The following WWOX variants were observed in gnomAD, a reference collection of about 807,000 sequenced individuals.
WWOX encodes the protein WW domain-containing oxidoreductase.
In WWOX, 69 loss-of-function variants were observed where a neutral mutation model predicts 46.2. That is an observed-to-expected ratio of 1.49 (90% confidence interval 1.23 to 1.82). The LOEUF is 1.82. WWOX is among the 40% of genes most tolerant of loss of function. WWOX has a pLI of 0.00. For missense variants in WWOX, 919 were observed against 542.6 expected (o/e 1.69, Z -6.89); for synonymous variants, 359 against 202.6 (o/e 1.77, Z -6.56).
intron 8 of WWOX, among the ~76,000 whole-genome samples, chr16:78,676,052 T>C (rs2047590602): frequency 6.6e-6 from 1 of 152,034 alleles, no homozygotes; most frequent in African/African-American, 2.4e-5. Flanking sequence ...GCTGCTTGTT[T>C]AAGAATCTCA....
chr16:78,145,848 C>A (rs1025052907), intron 4 of WWOX: 1 of 152,176 alleles, frequency 6.6e-6, no homozygotes, highest in Non-Finnish European at 1.5e-5. Flanking sequence ...CATAAAGGCC[C>A]CATCTCCAGA....
intron 8 of WWOX, among the ~76,000 whole-genome samples, chr16:78,514,383 A>G (rs1397708380): frequency 6.6e-6 from 1 of 152,108 alleles, no homozygotes; most frequent in Non-Finnish European, 1.5e-5. Flanking sequence ...GGTCCATGAA[A>G]TTTTTCTCCT....
chr16:78,998,270 C>T (rs989723989), intron 8 of WWOX, among the ~76,000 whole-genome samples: 5 of 152,176 alleles, frequency 3.3e-5, no homozygotes, highest in Non-Finnish European at 7.3e-5. Flanking sequence ...GACTGCACAT[C>T]AGTTCATTCT....
intron 8 of WWOX, among the ~76,000 whole-genome samples, chr16:79,042,310 C>T (rs2047986635): frequency 6.6e-6 from 1 of 152,170 alleles, no homozygotes; most frequent in Non-Finnish European, 1.5e-5. Flanking sequence ...CATGCACCTT[C>T]CCTGACCTTT....
chr16:78,337,465 A>G (rs2080919081), intron 5 of WWOX, among the ~76,000 whole-genome samples: 1 of 152,218 alleles, frequency 6.6e-6, no homozygotes, highest in Admixed American at 6.5e-5. Context: ...GCTACAATTA[A>G]TAAACCAATA....
At chr16:78,196,898 C>T (rs944003228) in intron 5 of WWOX, among the ~76,000 whole-genome samples, 45 of 152,174 alleles carry the variant, frequency 3.0e-4, no homozygotes, top group African/African-American at 7.7e-4. Context: ...CTGACTACTG[C>T]CTGGTTTAAG....
chr16:78,998,279 C>G (rs931157807), intron 8 of WWOX, among the ~76,000 whole-genome samples: 11 of 152,190 alleles, frequency 7.2e-5, no homozygotes, highest in Admixed American at 1.3e-4. Flanking sequence ...TCAGTTCATT[C>G]TCTCTGATCT....
chr16:78,943,674 A>G (rs13331318), intron 8 of WWOX, among the ~76,000 whole-genome samples: 14,946 of 152,184 alleles, frequency 0.098, 840 homozygotes, highest in South Asian at 0.15. Flanking sequence ...AGTGTAGGAC[A>G]CTGGAAAAGT....
intron 8 of WWOX, among the ~76,000 whole-genome samples, chr16:78,834,839 A>G (rs2051932807): frequency 6.6e-6 from 1 of 152,212 alleles, no homozygotes; most frequent in Non-Finnish European, 1.5e-5. Context: ...ATGAAGCTTT[A>G]GTTTTTCATG....
intron 8 of WWOX, among the ~76,000 whole-genome samples, chr16:78,663,843 G>A (rs977525041): frequency 5.3e-5 from 8 of 152,186 alleles, no homozygotes; most frequent in African/African-American, 1.4e-4. Flanking sequence ...CAAGTGCAAA[G>A]GCCCTGGGGT....
At chr16:78,562,413 G>A (rs1184530515) in intron 8 of WWOX, among the ~76,000 whole-genome samples, 2 of 152,194 alleles carry the variant, frequency 1.3e-5, no homozygotes, top group East Asian at 1.9e-4. Context: ...CTCCAGGAAT[G>A]TATCTGTTCC....
chr16:78,817,179 T>G (rs2051355373), intron 8 of WWOX, among the ~76,000 whole-genome samples: 1 of 131,656 alleles, frequency 7.6e-6, no homozygotes, highest in Non-Finnish European at 1.7e-5. Context: ...ATTCTTTTTT[T>G]TTTTTTTTTT....
At chr16:78,548,462 T>C (rs2044099531) in intron 8 of WWOX, among the ~76,000 whole-genome samples, 1 of 152,162 alleles carries the variant, frequency 6.6e-6, no homozygotes, top group African/African-American at 2.4e-5. Context: ...TATCCCTGAA[T>C]TTAGGGGGAG....
intron 5 of WWOX, among the ~76,000 whole-genome samples, chr16:78,196,199 T>G (rs907878895): frequency 1.3e-5 from 2 of 152,238 alleles, no homozygotes; most frequent in African/African-American, 2.4e-5. Flanking sequence ...TTTAGCCATA[T>G]CTACAATTAA....
intron 5 of WWOX, among the ~76,000 whole-genome samples, chr16:78,329,116 C>T (rs1031480982): frequency 1.3e-5 from 2 of 152,278 alleles, no homozygotes; most frequent in South Asian, 4.1e-4. Context: ...CAACCTTGGC[C>T]TCCCAAAGTG....
At chr16:78,923,793 A>ATTTTT (rs1567652268) in intron 8 of WWOX, among the ~76,000 whole-genome samples, 2 of 61,858 alleles carry the variant, frequency 3.2e-5, no homozygotes, top group African/African-American at 9.3e-5. Context: ...GTTTTTAGTT[A>ATTTTT]GTTTTTTTTT....
intron 8 of WWOX, among the ~76,000 whole-genome samples, chr16:79,011,533 C>A (rs1287949864): frequency 6.7e-6 from 1 of 149,192 alleles, no homozygotes; most frequent in African/African-American, 2.5e-5. Flanking sequence ...AATCTGTCCC[C>A]CAGGCTGGAG....
chr16:78,652,450 T>C (rs1325972694), intron 8 of WWOX, among the ~76,000 whole-genome samples: 2 of 151,406 alleles, frequency 1.3e-5, no homozygotes, highest in East Asian at 1.9e-4. Flanking sequence ...AAAAGGTGTT[T>C]GGAAGCCATG....
chr16:79,041,539 C>T (rs1299633469), intron 8 of WWOX, among the ~76,000 whole-genome samples: 2 of 152,152 alleles, frequency 1.3e-5, no homozygotes, highest in Non-Finnish European at 2.9e-5. Flanking sequence ...AGCTGCTTAG[C>T]AGGGGGCCAA....
Sources: allele counts gnomAD v4.1 joint callset (sites outside exome capture counted in the v4.1 genomes callset), GRCh38; gene constraint gnomAD v4.1.1; transcripts MANE v1.5; gene names NCBI Gene and HGNC (gene_info 2026-07-23, HGNC 2026-07-21).